RIMS1: variants seen among roughly 807,000 people sequenced by gnomAD.
RIMS1 encodes the protein regulating synaptic membrane exocytosis protein 1.
RIMS1 carries 83 observed loss-of-function variants against 214.1 expected under a neutral mutation model. The ratio of observed to expected loss-of-function variants is 0.39; its 90% CI spans 0.32 to 0.47. The LOEUF is 0.47. Ranked by LOEUF, RIMS1 falls within the 20% of genes least tolerant of loss-of-function variation. RIMS1 has a pLI of 0.99. For synonymous variants in RIMS1, 793 were observed against 786.8 expected (o/e 1.01, Z -0.13); for missense variants, 2,050 against 2,161.8 (o/e 0.95, Z 1.03).
intron 1 of RIMS1, among the ~76,000 whole-genome samples, chr6:71,929,812 G>A (rs1782539593): frequency 6.6e-6 from 1 of 152,048 alleles, no homozygotes; most frequent in Admixed American, 6.6e-5. Context: ...GGCATCATGT[G>A]AGAAAGAATA....
chr6:72,026,136 T>A (rs920885731), intron 2 of RIMS1, among the ~76,000 whole-genome samples: 2 of 152,104 alleles, frequency 1.3e-5, no homozygotes, highest in Non-Finnish European at 2.9e-5. Flanking sequence ...GAGCCCGAAT[T>A]TTACAGGTGT....
At chr6:71,923,669 C>T (rs1022060365) in intron 1 of RIMS1, among the ~76,000 whole-genome samples, 30 of 152,028 alleles carry the variant, frequency 2.0e-4, no homozygotes, top group Admixed American at 7.9e-4. Flanking sequence ...CAGGTTCAAG[C>T]GATTCTCCTG....
intron 16 of RIMS1, among the ~76,000 whole-genome samples, chr6:72,255,704 C>G (rs2075522312): frequency 6.6e-6 from 1 of 152,138 alleles, no homozygotes; most frequent in Non-Finnish European, 1.5e-5. Context: ...TCTCTAATCT[C>G]TAACCCTGAG....
chr6:72,125,033 C>A (rs1487016961), intron 4 of RIMS1, among the ~76,000 whole-genome samples: 2 of 152,162 alleles, frequency 1.3e-5, no homozygotes, highest in Non-Finnish European at 2.9e-5. Context: ...TGGTGAGGAG[C>A]TGCAGTCCTT....
intron 5 of RIMS1, among the ~76,000 whole-genome samples, chr6:72,181,917 A>G (rs928829495): frequency 1.3e-5 from 2 of 152,262 alleles, no homozygotes; most frequent in East Asian, 1.9e-4. Context: ...TTCATAAAAC[A>G]TCTTCACAGA....
intron 4 of RIMS1, among the ~76,000 whole-genome samples, chr6:72,108,739 G>T (rs1261878646): frequency 6.6e-6 from 1 of 151,108 alleles, no homozygotes; most frequent in Admixed American, 6.6e-5. Context: ...TAGGGTACAT[G>T]TGCACAATAT....
intron 26 of RIMS1, among the ~76,000 whole-genome samples, chr6:72,292,860 G>GAT (rs1219308412): frequency 1.3e-5 from 2 of 151,994 alleles, no homozygotes; most frequent in Non-Finnish European, 2.9e-5. Context: ...TTACTTTTAA[G>GAT]ATATTTATTA....
rs1277270398 is a variant in RIMS1, at chr6:72,162,040, C to G, written c.472-17535C>G. ...GGAGTCTAAGTCTCTTTGTAGGTGT[C>G]TAAGGACTTGCCTTATGAATCTGGG... On this transcript the variant is annotated intron_variant, in intron 4 of 33. Transcript: ENST00000521978. Among the ~76,000 whole-genome samples the G allele has an allele frequency of 2.1e-5, 3 of 140,492 alleles. 1 individual carries two copies. Among genetic ancestry groups the G allele is most frequent in the Non-Finnish European group, 4.8e-5 (3 of 61,888 alleles). The allele number at this position is 140,492 out of a possible 152,430, so 92.2% of individuals were successfully genotyped here. A position where few individuals can be genotyped will look rare whatever the true frequency, so the allele number is the denominator to read the frequency against.
intron 23 of RIMS1, among the ~76,000 whole-genome samples, chr6:72,279,096 T>A (rs1390851311): frequency 6.6e-6 from 1 of 152,044 alleles, no homozygotes; most frequent in African/African-American, 2.4e-5. Flanking sequence ...AATAAAATTT[T>A]AGTATTTTAT....
chr6:71,928,437 C>A (rs1782152573), intron 1 of RIMS1, among the ~76,000 whole-genome samples: 1 of 152,018 alleles, frequency 6.6e-6, no homozygotes, highest in Admixed American at 6.6e-5. Context: ...CATATATCCT[C>A]TAAACTGATT....
At chr6:71,968,953 G>A (rs755508782) in intron 1 of RIMS1, 30 bp from the exon 2 acceptor site, 1 of 1,587,204 alleles carries the variant, frequency 6.3e-7, no homozygotes, top group East Asian at 2.2e-5. Flanking sequence ...ATAATTAATA[G>A]TGCGTTGTGC....
At position 71,972,073 on chromosome 6, in the gene RIMS1, C is replaced by G. The variant is rs374879551; in HGVS notation, c.245+3010C>G. ...ATAGAAAAAAAAATAAGAGCGAGCCCTAGGTAAAAGCAATGTTTAAGGAAT... is the reference window on the plus strand; with the variant it reads ...ATAGAAAAAAAAATAAGAGCGAGCCGTAGGTAAAAGCAATGTTTAAGGAAT... On this transcript the variant is annotated intron_variant, in intron 2 of 33. Transcript: ENST00000521978. Among the ~76,000 whole-genome samples, 13 of 152,142 alleles carry G rather than the reference C, an allele frequency of 8.5e-5. No homozygotes were observed. The East Asian group carries it at 2.3e-3, about 27-fold the overall frequency.
intron 26 of RIMS1, among the ~76,000 whole-genome samples, chr6:72,293,712 A>G (rs574169932): frequency 6.6e-6 from 1 of 151,980 alleles, no homozygotes; most frequent in Admixed American, 6.6e-5. Flanking sequence ...CTGTAGAAAT[A>G]AGAATTCCTT....
chr6:71,989,853 C>A (rs1209735535), intron 2 of RIMS1, among the ~76,000 whole-genome samples: 5 of 152,144 alleles, frequency 3.3e-5, no homozygotes, highest in African/African-American at 9.7e-5. Flanking sequence ...CATGACCTGG[C>A]CTAAGCCTGC....
At chr6:72,083,005 C>T (rs1483889345) in intron 2 of RIMS1, among the ~76,000 whole-genome samples, 1 of 152,160 alleles carries the variant, frequency 6.6e-6, no homozygotes, top group African/African-American at 2.4e-5. Context: ...GGTAATGATA[C>T]TTTGTCAAAG....
intron 2 of RIMS1, among the ~76,000 whole-genome samples, chr6:72,035,638 TC>T (rs1257383026): frequency 6.6e-6 from 1 of 152,180 alleles, no homozygotes; most frequent in Non-Finnish European, 1.5e-5. Context: ...TGCAATCCTT[TC>T]AGTGACTCAA....
intron 1 of RIMS1, among the ~76,000 whole-genome samples, chr6:71,932,910 G>A (rs1783474304): frequency 1.3e-5 from 2 of 152,058 alleles, no homozygotes; most frequent in Non-Finnish European, 2.9e-5. Flanking sequence ...ATTCTTCATT[G>A]GGCTCCTAAT....
chr6:71,944,537 TG>T (rs1260232829), intron 1 of RIMS1, among the ~76,000 whole-genome samples: 1 of 152,008 alleles, frequency 6.6e-6, no homozygotes, highest in Admixed American at 6.6e-5. Flanking sequence ...ACAGTTGGTG[TG>T]AAGTGGGTGT....
intron 16 of RIMS1, among the ~76,000 whole-genome samples, chr6:72,257,041 C>A (rs2076149654): frequency 6.6e-6 from 1 of 151,948 alleles, no homozygotes; most frequent in Admixed American, 6.6e-5. Flanking sequence ...ATATAAACTG[C>A]TAGGGACTAT....
Sources: allele counts gnomAD v4.1 joint callset (sites outside exome capture counted in the v4.1 genomes callset), GRCh38; gene constraint gnomAD v4.1.1; transcripts MANE v1.5; gene names NCBI Gene and HGNC (gene_info 2026-07-23, HGNC 2026-07-21).